ARHGAP40: variants seen among roughly 807,000 people sequenced by gnomAD.
The protein encoded by ARHGAP40 is rho GTPase-activating protein 40.
ARHGAP40 carries 43 observed loss-of-function variants against 73.5 expected under a neutral mutation model. The observed-to-expected ratio is 0.58, with a 90% CI of 0.46 to 0.75. The LOEUF is 0.75. ARHGAP40 is among the 30% of genes least tolerant of loss of function. The probability of loss-of-function intolerance (pLI) is 0.00; values close to 1 mark genes in which losing one functional copy is unlikely to be tolerated. For synonymous variants in ARHGAP40, 300 were observed against 352.8 expected, an observed-to-expected ratio of 0.85 and a Z score of 1.68; for missense variants, 734 against 861.8, an observed-to-expected ratio of 0.85 and a Z score of 1.86.
At chr20:38,644,238 AG>A (rs1331993067) in intron 11 of ARHGAP40, among the ~76,000 whole-genome samples, 1 of 152,102 alleles carries the variant, frequency 6.6e-6, no homozygotes, top group African/African-American at 2.4e-5. Flanking sequence ...CCTGAGGCCC[AG>A]GATCACAGGG....
At chr20:38,614,764 G>A (rs1398930143) in intron 1 of ARHGAP40, 3 of 607,472 alleles carry the variant, frequency 4.9e-6, no homozygotes, top group Non-Finnish European at 8.8e-6. Flanking sequence ...CAAACTTGTT[G>A]CTTCTCCAAC....
At chr20:38,635,225 GC>G (rs910320689) in intron 6 of ARHGAP40, among the ~76,000 whole-genome samples, 25 of 151,654 alleles carry the variant, frequency 1.6e-4, no homozygotes, top group Admixed American at 1.6e-3. Flanking sequence ...TTTTTTTTCT[GC>G]ATATGTAAAC....
At chr20:38,612,896 G>A (rs966812075) in intron 1 of ARHGAP40, among the ~76,000 whole-genome samples, 1 of 152,160 alleles carries the variant, frequency 6.6e-6, no homozygotes, top group Non-Finnish European at 1.5e-5. Context: ...AATCTTGTTC[G>A]AAGGAAGGAT....
intron 6 of ARHGAP40, among the ~76,000 whole-genome samples, chr20:38,637,329 A>G (rs1406571029): frequency 1.3e-5 from 2 of 152,006 alleles, no homozygotes; most frequent in African/African-American, 4.8e-5. Context: ...GTGTGTTTTT[A>G]GTAGAGACAG....
exon 7 of ARHGAP40, chr20:38,637,779 G>A (rs1425454748): frequency 1.2e-5 from 16 of 1,305,060 alleles, no homozygotes; most frequent in South Asian, 3.7e-5. Flanking sequence ...CAGCACACAG[G>A]TCCCGCTGGT....
At chr20:38,612,402 G>T (rs778176368) in intron 1 of ARHGAP40, among the ~76,000 whole-genome samples, 2 of 152,156 alleles carry the variant, frequency 1.3e-5, no homozygotes, top group South Asian at 4.1e-4. Flanking sequence ...GGCTGGGCAC[G>T]GTGGCTCACA....
intron 3 of ARHGAP40, among the ~76,000 whole-genome samples, chr20:38,627,617 T>TGG (rs2088909608): frequency 6.0e-5 from 5 of 82,796 alleles, no homozygotes; most frequent in Non-Finnish European, 1.3e-4. Flanking sequence ...GTGTGTGTGT[T>TGG]GGTGTGTGTG....
chr20:38,614,758 C>T (rs2145596641), intron 1 of ARHGAP40, among the ~76,000 whole-genome samples: 1 of 152,334 alleles, frequency 6.6e-6, no homozygotes, highest in South Asian at 2.1e-4. Context: ...TAGCCACAAA[C>T]TTGTTGCTTC....
intron 9 of ARHGAP40, among the ~76,000 whole-genome samples, chr20:38,640,104 C>CCTCTTCT (rs2089006005): frequency 4.1e-5 from 6 of 145,140 alleles, no homozygotes; most frequent in African/African-American, 1.6e-4. Context: ...CTTCTTCTTC[C>CCTCTTCT]TCCTCTTCTT....
At position 38,646,004 on chromosome 20, in the gene ARHGAP40, A is replaced by C. The variant is rs1397733994; in HGVS notation, c.1570-43A>C. 20 of 1,262,374 alleles carry C rather than the reference A, an allele frequency of 1.6e-5. No individual in the cohort carries two copies. Among genetic ancestry groups the C allele is most frequent in the Admixed American group, 2.5e-5 (1 of 39,338 alleles). The allele number at this position is 1,262,374 out of a possible 1,614,324, so 78.2% of individuals were successfully genotyped here. ...GGAGAGGGCTCTGCCTCTCGCCCCC[A>C]GAAGTCCTATCCCCCTGCCAAAACT... On this transcript the variant is annotated intron_variant, in intron 11 of 14. Coordinates refer to ENST00000373345, the Ensembl canonical transcript of ARHGAP40. The surrounding 1 kb of genome is among the most constrained non-coding windows in gnomAD (Gnocchi z 4.5).
At chr20:38,639,417 G>T in intron 9 of ARHGAP40, 31 bp downstream of exon 9, 1 of 1,290,440 alleles carries the variant, frequency 7.7e-7, no homozygotes, top group Non-Finnish European at 1.0e-6. Context: ...AGCCTGTGCA[G>T]GGATGGAGAG....
chr20:38,627,941 A>T (rs1422781427), intron 3 of ARHGAP40, among the ~76,000 whole-genome samples: 1 of 152,192 alleles, frequency 6.6e-6, no homozygotes, highest in African/African-American at 2.4e-5. Context: ...CTCAGGAAAG[A>T]ATTCAAGAGT....
chr20:38,602,108 G>A, intron 1 of ARHGAP40, 29 bp downstream of exon 1: 1 of 1,266,380 alleles, frequency 7.9e-7, no homozygotes, highest in Non-Finnish European at 1.0e-6. Flanking sequence ...CGGGAGGGAA[G>A]TTGGCCCTAC....
In ARHGAP40 at chr20:38,638,904, C is replaced by T. The variant is rs1045970210; in HGVS notation, c.1119+66C>T. 15 of 1,262,040 alleles carry T rather than the reference C, an allele frequency of 1.2e-5. No individual in the cohort carries two copies. In the East Asian group the frequency reaches 2.2e-4, roughly 19 times the overall value. 78.2% of individuals were successfully genotyped at this position (1,262,040 alleles called of 1,614,324 possible). On this transcript the variant is annotated intron_variant, in intron 8 of 14. Transcript: ENST00000373345. The stretch of plus-strand genomic sequence containing the variant: ...CCCCATGCTCACATGTGTGTTAAGC[C>T]GGGAGGGAAACCAGTCCCTGACTCG...
intron 1 of ARHGAP40, among the ~76,000 whole-genome samples, chr20:38,616,796 G>A (rs550518498): frequency 6.6e-6 from 1 of 152,312 alleles, no homozygotes. Context: ...CCTTGTCATT[G>A]TTAAAACTGA....
At chr20:38,602,588 T>A (rs955128622) in intron 1 of ARHGAP40, among the ~76,000 whole-genome samples, 5 of 152,218 alleles carry the variant, frequency 3.3e-5, no homozygotes, top group African/African-American at 1.2e-4. Flanking sequence ...TTACATCATA[T>A]TACAATTTGA....
intron 1 of ARHGAP40, among the ~76,000 whole-genome samples, chr20:38,611,363 G>A (rs977526543): frequency 2.6e-5 from 4 of 151,786 alleles, no homozygotes; most frequent in Admixed American, 2.0e-4. Context: ...TTGGCTGGGG[G>A]GCTTAGGATT....
At chr20:38,615,559 C>T (rs959681270) in intron 1 of ARHGAP40, 1 of 552,110 alleles carries the variant, frequency 1.8e-6, no homozygotes, top group Admixed American at 2.7e-5. Flanking sequence ...CCACTGTTTT[C>T]CCCGAGATTG....
rs760889594 is a variant in ARHGAP40, at chr20:38,646,730, G to A, written c.1711-227G>A. Among the ~76,000 whole-genome samples the A allele has an allele frequency of 2.0e-5, 3 of 152,154 alleles. No homozygotes were observed. The highest frequency in any genetic ancestry group is 4.4e-5 in the Non-Finnish European group (3 of 68,020). On this transcript the variant is annotated intron_variant, in intron 12 of 14. Transcript: ENST00000373345. The surrounding 1 kb of genome is among the most constrained non-coding windows in gnomAD (Gnocchi z 4.5). The stretch of plus-strand genomic sequence containing the variant: ...CTCCTGCTGTGTGTACAAGTGCACC[G>A]ACACAGGCATAGAAACACAAACATA...
Sources: gnomAD v4.1 joint callset for allele counts (sites outside exome capture counted in the v4.1 genomes callset) on GRCh38, gnomAD v4.1.1 for gene constraint, Gnocchi (gnomAD v3.1) non-coding constraint, MANE v1.5 for transcripts, NCBI Gene and HGNC (gene_info 2026-07-23, HGNC 2026-07-21) for gene names.